Variants in SPOCK1 observed in about 807,000 individuals in gnomAD.
SPOCK1 encodes the protein SPARC (osteonectin), cwcv and kazal like domains proteoglycan 1.
SPOCK1 carries 23 observed loss-of-function variants against 55.3 expected under a neutral mutation model. The ratio of observed to expected loss-of-function variants is 0.42; its 90% confidence interval spans 0.30 to 0.59. SPOCK1 has a LOEUF of 0.59. Among genes scored for constraint, SPOCK1 ranks in the 20% least tolerant of loss-of-function variants. The pLI is 0.22. For missense variants in SPOCK1, 499 were observed against 552.5 expected (o/e 0.90, Z 0.97); for synonymous variants, 226 against 221.0 (o/e 1.02, Z -0.20).
intron 2 of SPOCK1, among the ~76,000 whole-genome samples, chr5:137,310,794 C>T (rs1757778514): frequency 6.6e-6 from 1 of 152,206 alleles, no homozygotes; most frequent in African/African-American, 2.4e-5. Context: ...CACTTACTGG[C>T]TATTTTCTAC....
intron 3 of SPOCK1, among the ~76,000 whole-genome samples, chr5:137,231,131 C>T (rs547665195): frequency 6.6e-6 from 1 of 152,176 alleles, no homozygotes; most frequent in South Asian, 2.1e-4. Context: ...GTAACCTCCA[C>T]CTTCCCGGGT....
At chr5:137,087,781 C>T (rs539340310) in intron 5 of SPOCK1, among the ~76,000 whole-genome samples, 24 of 152,098 alleles carry the variant, frequency 1.6e-4, no homozygotes, top group African/African-American at 4.8e-4. Flanking sequence ...CCAAGCCCCA[C>T]GAGAGGGAGA....
intron 6 of SPOCK1, among the ~76,000 whole-genome samples, chr5:137,022,040 T>G (rs535936529): frequency 1.5e-4 from 23 of 152,306 alleles, no homozygotes; most frequent in Admixed American, 5.2e-4. Flanking sequence ...AGATGGCATC[T>G]CTCTGTCCCC....
chr5:137,014,957 T>C (rs1333035197), intron 6 of SPOCK1, among the ~76,000 whole-genome samples: 5 of 152,128 alleles, frequency 3.3e-5, no homozygotes, highest in Non-Finnish European at 7.4e-5. Flanking sequence ...GGAGGTGACT[T>C]CTCCAGAACA....
At chr5:137,051,062 G>A (rs1002448505) in intron 6 of SPOCK1, among the ~76,000 whole-genome samples, 2 of 152,032 alleles carry the variant, frequency 1.3e-5, no homozygotes, top group Non-Finnish European at 2.9e-5. Flanking sequence ...TTTGAATATC[G>A]TCGGAGAGAA....
At chr5:137,388,680 C>T (rs1751647513) in intron 2 of SPOCK1, among the ~76,000 whole-genome samples, 1 of 152,160 alleles carries the variant, frequency 6.6e-6, no homozygotes, top group African/African-American at 2.4e-5. Context: ...CAGATGTGGA[C>T]CCAGTTTCTG....
intron 6 of SPOCK1, among the ~76,000 whole-genome samples, chr5:137,037,793 C>T (rs1266000352): frequency 6.6e-6 from 1 of 152,158 alleles, no homozygotes; most frequent in Non-Finnish European, 1.5e-5. Context: ...GTTGCTTACC[C>T]CTGATGTTTG....
In SPOCK1 at chr5:137,209,452, C is replaced by T. The variant is rs183517485; in HGVS notation, c.232+57558G>A. ...ATATGACTCAAACTAATAGAAACAC[C>T]GTAAATATCCTTCCCAAAGTTGGAA... On this transcript the variant is annotated intron_variant, in intron 3 of 10. Coordinates refer to ENST00000394945, the MANE Select transcript of SPOCK1 (RefSeq NM_004598.4). Among the ~76,000 whole-genome samples, 48 of 152,234 alleles carry T rather than the reference C, an allele frequency of 3.2e-4. No individual in the cohort carries two copies. In the East Asian group the frequency reaches 3.5e-3, roughly 11 times the overall value.
intron 9 of SPOCK1, among the ~76,000 whole-genome samples, chr5:136,984,382 G>A (rs945427303): frequency 1.1e-5 from 1 of 90,398 alleles, no homozygotes; most frequent in Non-Finnish European, 2.7e-5. Flanking sequence ...AATGCTTCAC[G>A]GGAATAATTC....
At chr5:137,359,187 C>T (rs931119668) in intron 2 of SPOCK1, among the ~76,000 whole-genome samples, 5 of 152,156 alleles carry the variant, frequency 3.3e-5, no homozygotes, top group African/African-American at 1.2e-4. Flanking sequence ...AACTTTGGAT[C>T]ATTTCACAGT....
intron 6 of SPOCK1, among the ~76,000 whole-genome samples, chr5:137,033,568 C>G (rs1375708680): frequency 6.6e-6 from 1 of 152,086 alleles, no homozygotes; most frequent in Non-Finnish European, 1.5e-5. Flanking sequence ...AGGGGTCTCC[C>G]CACTGGTAGC....
intron 3 of SPOCK1, among the ~76,000 whole-genome samples, chr5:137,150,857 GA>G (rs909576028): frequency 7.9e-5 from 12 of 152,166 alleles, no homozygotes; most frequent in African/African-American, 2.9e-4. Context: ...CTCAGATGAA[GA>G]GGTCACTTCT....
chr5:137,341,108 T>G (rs914125955), intron 2 of SPOCK1, among the ~76,000 whole-genome samples: 1 of 152,202 alleles, frequency 6.6e-6, no homozygotes, highest in South Asian at 2.1e-4. Flanking sequence ...TCTCTATTCA[T>G]GTACTCGCTG....
At chr5:137,481,920 C>T (rs1390601497) in intron 2 of SPOCK1, among the ~76,000 whole-genome samples, 1 of 151,938 alleles carries the variant, frequency 6.6e-6, no homozygotes, top group Non-Finnish European at 1.5e-5. Flanking sequence ...TAGAATTGCT[C>T]AGGAGTTACA....
chr5:137,003,094 A>G (rs1751180727), intron 6 of SPOCK1, among the ~76,000 whole-genome samples: 1 of 152,228 alleles, frequency 6.6e-6, no homozygotes, highest in Admixed American at 6.5e-5. Context: ...CCATTTCTAA[A>G]TCATAAATGT....
intron 3 of SPOCK1, among the ~76,000 whole-genome samples, chr5:137,250,722 A>G (rs1426345208): frequency 6.6e-6 from 1 of 152,212 alleles, no homozygotes; most frequent in Non-Finnish European, 1.5e-5. Context: ...GGAGAAAGGA[A>G]GTAAATGAAA....
intron 5 of SPOCK1, among the ~76,000 whole-genome samples, chr5:137,088,796 G>T (rs558203475): frequency 3.9e-5 from 6 of 152,188 alleles, no homozygotes; most frequent in African/African-American, 9.7e-5. Flanking sequence ...TACCATGGGG[G>T]TTGAAAGATG....
chr5:137,259,390 C>G (rs887120101), intron 3 of SPOCK1, among the ~76,000 whole-genome samples: 6 of 152,196 alleles, frequency 3.9e-5, no homozygotes, highest in African/African-American at 1.4e-4. Context: ...AACACAAGAA[C>G]AGAAAACCAA....
chr5:137,432,917 G>T (rs1752780163), intron 2 of SPOCK1, among the ~76,000 whole-genome samples: 1 of 152,070 alleles, frequency 6.6e-6, no homozygotes, highest in Admixed American at 6.6e-5. Context: ...TGAAATGCTT[G>T]CCCCCATTGC....
Sources: gnomAD v4.1 joint callset for allele counts (sites outside exome capture counted in the v4.1 genomes callset) on GRCh38, gnomAD v4.1.1 for gene constraint, MANE v1.5 for transcripts, NCBI Gene and HGNC (gene_info 2026-07-23, HGNC 2026-07-21) for gene names.